Variants in PCDHGA6 observed in about 807,000 individuals in gnomAD.
PCDHGA6 encodes the protein protocadherin gamma-A6.
PCDHGA6 carries 41 observed loss-of-function variants against 60.6 expected under a neutral mutation model. The ratio of observed to expected loss-of-function variants is 0.68; its 90% CI spans 0.53 to 0.88. The LOEUF is 0.88. PCDHGA6 is among the 40% of genes least tolerant of loss of function. The pLI is 0.00. For synonymous variants in PCDHGA6, 594 were observed against 524.4 expected (o/e 1.13, Z -1.81); for missense variants, 1,312 against 1,203.0 (o/e 1.09, Z -1.34).
At chr5:141,398,019 A>T (rs2093601039) in intron 1 of PCDHGA6, 1 of 1,427,024 alleles carries the variant, frequency 7.0e-7, no homozygotes, top group Admixed American at 2.6e-5. Flanking sequence ...CGTTTCCTAA[A>T]CTGGAACTGG....
At chr5:141,377,813 T>C (rs1254239547) in intron 1 of PCDHGA6, 2 of 152,194 alleles carry the variant, frequency 1.3e-5, no homozygotes, top group African/African-American at 2.4e-5. Flanking sequence ...TGTTATTTAC[T>C]TGGGCCAGTT....
chr5:141,391,906 T>C (rs2092441756), intron 1 of PCDHGA6: 2 of 152,218 alleles, frequency 1.3e-5, no homozygotes, highest in Non-Finnish European at 2.9e-5. Flanking sequence ...GCTTTGCTTT[T>C]TATCATATAT....
At chr5:141,408,775 C>T (rs780901987) in intron 1 of PCDHGA6, 7 of 1,611,568 alleles carry the variant, frequency 4.3e-6, no homozygotes, top group Non-Finnish European at 5.9e-6. Context: ...GTGGCAAATA[C>T]CCAGAGTTAT....
At chr5:141,407,707 G>A (rs894295431) in intron 1 of PCDHGA6, among the ~76,000 whole-genome samples, 1 of 151,964 alleles carries the variant, frequency 6.6e-6, no homozygotes, top group African/African-American at 2.4e-5. Flanking sequence ...TTGAAGGTGG[G>A]GTGATGGCTA....
rs775775135 is a variant in PCDHGA6 at position 141,400,234 on chromosome 5, G to GTTGCCTTGCGCCTCC, written c.2424+23728_2424+23729insTGCCTTGCGCCTCCT. The GTTGCCTTGCGCCTCC allele has an allele frequency of 3.1e-6, 5 of 1,613,868 alleles. No homozygotes were observed. In the East Asian group the frequency reaches 1.1e-4, roughly 36 times the overall value. On this transcript the variant is annotated intron_variant, in intron 1 of 3. Transcript: ENST00000517434. ...GATCTCAGTGCTCTTCCTCCTGGCC[G>GTTGCCTTGCGCCTCC]TGATTCTGGCCGTTGCCTTGCGCCT...
At position 141,454,796 on chromosome 5, in the gene PCDHGA6, A is replaced by ATTTTTTTTTTTTTTTTTTTT. The variant is rs61612330; in HGVS notation, c.2425-40001_2425-39982dup. Among the ~76,000 whole-genome samples, 20 of 77,456 alleles carry ATTTTTTTTTTTTTTTTTTTT rather than the reference A, an allele frequency of 2.6e-4. 2 individuals carry two copies. Among genetic ancestry groups the ATTTTTTTTTTTTTTTTTTTT allele is most frequent in the South Asian group, 5.1e-4 (1 of 1,960 alleles). The allele number at this position is 77,456 out of a possible 152,430, so 50.8% of individuals were successfully genotyped here. On this transcript the variant is annotated intron_variant, in intron 1 of 3. Transcript: ENST00000517434. Reference sequence around the variant, plus strand: ...AAGGAAATAATCCTCCATGGTTCTAATTTTTTTTTTTTTTTTTTTTTTTTT... The same window carrying ATTTTTTTTTTTTTTTTTTTT: ...AAGGAAATAATCCTCCATGGTTCTAATTTTTTTTTTTTTTTTTTTTTTTTTTTTTTTTTTTTTTTTTTTTT...
chr5:141,404,725 G>A (rs1381392805), intron 1 of PCDHGA6: 1 of 1,613,980 alleles, frequency 6.2e-7, no homozygotes, highest in Non-Finnish European at 8.5e-7. Context: ...TGACCAAGGT[G>A]GTGGCAGTGG....
intron 1 of PCDHGA6, chr5:141,393,596 G>T (rs775299518): frequency 1.2e-6 from 2 of 1,613,900 alleles, no homozygotes; most frequent in Non-Finnish European, 8.5e-7. Context: ...GCACGCGGCT[G>T]CTTACTGTAA....
At chr5:141,503,598 CAAAAAAAAAAAA>C (rs765754054) in intron 2 of PCDHGA6, among the ~76,000 whole-genome samples, 11 of 65,762 alleles carry the variant, frequency 1.7e-4, no homozygotes, top group Admixed American at 3.4e-4. Context: ...GACTCCAGCT[CAAAAAAAAAAAA>C]AAAAGAAAAA....
Position 141,404,333 on chromosome 5 carries a change from C to T in PCDHGA6, c.2424+27826C>T, listed in dbSNP as rs181615917. On this transcript the variant is annotated intron_variant, in intron 1 of 3. Transcript: ENST00000517434. ...CTCTCAAGCCTCCTACTCAGTCTACCTCCCGGAAAACAACGCCAGAGGTAC... is the reference window on the plus strand; with the variant it reads ...CTCTCAAGCCTCCTACTCAGTCTACTTCCCGGAAAACAACGCCAGAGGTAC... The T allele has an allele frequency of 3.8e-5, 62 of 1,613,854 alleles. No homozygotes were observed. The East Asian group carries it at 8.5e-4, about 22-fold the overall frequency.
In PCDHGA6 at chr5:141,459,764, A is replaced by G. The variant is rs980972909; in HGVS notation, c.2425-35043A>G. On this transcript the variant is annotated intron_variant, in intron 1 of 3. Transcript: ENST00000517434. ...TTTTAGCAATTCTAGTGGGTGTGTG[A>G]TACTATCTCATTGAAGTTTCAACTG... Among the ~76,000 whole-genome samples, 56 of 152,208 alleles carry G rather than the reference A, an allele frequency of 3.7e-4. 1 individual carries two copies. Among genetic ancestry groups the G allele is most frequent in the Admixed American group, 6.5e-5 (1 of 15,274 alleles).
At chr5:141,452,912 A>T (rs1301567203) in intron 1 of PCDHGA6, among the ~76,000 whole-genome samples, 1 of 152,228 alleles carries the variant, frequency 6.6e-6, no homozygotes, top group African/African-American at 2.4e-5. Flanking sequence ...GGCATTATAC[A>T]GTAAGAAAGA....
intron 3 of PCDHGA6, among the ~76,000 whole-genome samples, chr5:141,506,473 G>A (rs976701500): frequency 2.7e-4 from 40 of 150,506 alleles, no homozygotes; most frequent in Admixed American, 1.5e-3. Flanking sequence ...AAAGAGCACA[G>A]GCTTTAGAGG....
At chr5:141,448,663 G>A (rs1195703194) in intron 1 of PCDHGA6, among the ~76,000 whole-genome samples, 3 of 151,920 alleles carry the variant, frequency 2.0e-5, no homozygotes, top group African/African-American at 7.3e-5. Flanking sequence ...CATATTGGCC[G>A]GGCGCGGTGG....
chr5:141,473,260 G>T (rs2099318007), intron 1 of PCDHGA6, among the ~76,000 whole-genome samples: 1 of 152,148 alleles, frequency 6.6e-6, no homozygotes, highest in South Asian at 2.1e-4. Flanking sequence ...ATAGTCCTTA[G>T]TGTATGCTAT....
At chr5:141,402,765 C>T (rs2150942715) in intron 1 of PCDHGA6, among the ~76,000 whole-genome samples, 1 of 152,322 alleles carries the variant, frequency 6.6e-6, no homozygotes, top group Admixed American at 6.5e-5. Flanking sequence ...ATCAGGACTC[C>T]ATCCGGATTT....
intron 1 of PCDHGA6, chr5:141,389,893 T>C (rs764580902): frequency 2.9e-5 from 46 of 1,613,976 alleles, no homozygotes; most frequent in Non-Finnish European, 3.6e-5. Context: ...CAGGAGGTGC[T>C]GCCGGATATC....
intron 1 of PCDHGA6, among the ~76,000 whole-genome samples, chr5:141,451,826 A>G (rs2098725686): frequency 6.6e-6 from 1 of 151,720 alleles, no homozygotes; most frequent in Non-Finnish European, 1.5e-5. Context: ...GGTTACAGTG[A>G]GCCGAGATCA....
In PCDHGA6 at chr5:141,490,658, T is replaced by A. The variant is rs776806248; in HGVS notation, c.2425-4149T>A. The A allele has an allele frequency of 8.1e-6, 13 of 1,614,204 alleles. No homozygotes were observed. The South Asian group carries it at 1.4e-4, about 18-fold the overall frequency. ...GAAAACCGGCCTCCGGGCTCCCTTC[T>A]TTGCACTGTGGCTGCCTCAGATCCA... On this transcript the variant is annotated intron_variant, in intron 1 of 3. Transcript: ENST00000517434. The surrounding 1 kb of genome is among the most constrained non-coding windows in gnomAD (Gnocchi z 5.4).
Sources: gnomAD v4.1 joint callset for allele counts (sites outside exome capture counted in the v4.1 genomes callset) on GRCh38, gnomAD v4.1.1 for gene constraint, Gnocchi (gnomAD v3.1) non-coding constraint, MANE v1.5 for transcripts, NCBI Gene and HGNC (gene_info 2026-07-23, HGNC 2026-07-21) for gene names.